MAGI2: variants seen among roughly 807,000 people sequenced by gnomAD.
The protein encoded by MAGI2 is membrane associated guanylate kinase, WW and PDZ domain containing 2, also known as membrane-associated guanylate kinase, WW and PDZ domain-containing protein 2.
A neutral mutation model predicts 133.3 loss-of-function variants in MAGI2; 35 were observed. The ratio of observed to expected loss-of-function variants is 0.26; its 90% CI spans 0.20 to 0.35. The LOEUF is 0.35. Among genes scored for constraint, MAGI2 ranks in the 10% least tolerant of loss-of-function variants. The pLI, the probability that MAGI2 is intolerant of heterozygous loss-of-function variation, is 1.00. For missense variants in MAGI2, 1,636 were observed against 1,863.4 expected, an observed-to-expected ratio of 0.88 and a Z score of 2.25; for synonymous variants, 729 against 710.6, an observed-to-expected ratio of 1.03 and a Z score of -0.41.
rs1174096501 is a variant in MAGI2 at position 79,028,235 on chromosome 7, GTATATATATATATATATA to G, written c.302-21047_302-21030del. The stretch of plus-strand genomic sequence containing the variant: ...CAAAAAAATATATATATATATGTAT[GTATATATATATATATATA>G]TATATATATATATATGTATGTATGT... On this transcript the variant is annotated intron_variant, in intron 1 of 21. Transcript: ENST00000354212. Among the ~76,000 whole-genome samples, 246 of 29,326 alleles carry G rather than the reference GTATATATATATATATATA, an allele frequency of 8.4e-3. 3 individuals are homozygous for G. The highest frequency in any genetic ancestry group is 0.06 in the Middle Eastern group (3 of 50). 19.2% of individuals were successfully genotyped at this position (29,326 alleles called of 152,430 possible).
intron 9 of MAGI2, among the ~76,000 whole-genome samples, chr7:78,264,515 C>T (rs1261775888): frequency 1.3e-5 from 2 of 152,122 alleles, no homozygotes; most frequent in Non-Finnish European, 2.9e-5. Context: ...TAATTGCAAA[C>T]AGGGGAATCG....
At chr7:79,311,005 T>C (rs1050812529) in intron 1 of MAGI2, among the ~76,000 whole-genome samples, 1 of 152,038 alleles carries the variant, frequency 6.6e-6, no homozygotes, top group Non-Finnish European at 1.5e-5. Context: ...TTGTCCTAGT[T>C]TTATTTATCT....
chr7:78,623,129 C>T (rs558321771), intron 3 of MAGI2, among the ~76,000 whole-genome samples: 314 of 152,098 alleles, frequency 2.1e-3, no homozygotes, highest in Middle Eastern at 6.8e-3. Flanking sequence ...TCTAGTGTAT[C>T]ATGAGAACAA....
At chr7:78,357,602 T>C (rs937796889) in intron 7 of MAGI2, among the ~76,000 whole-genome samples, 1 of 152,204 alleles carries the variant, frequency 6.6e-6, no homozygotes, top group Non-Finnish European at 1.5e-5. Context: ...CTGAGTGTTG[T>C]GCTTAGTGGA....
At chr7:79,259,584 G>A (rs545808524) in intron 1 of MAGI2, among the ~76,000 whole-genome samples, 2 of 152,242 alleles carry the variant, frequency 1.3e-5, no homozygotes, top group South Asian at 4.1e-4. Context: ...AAGTGGTAGT[G>A]TCCTTCTTAG....
At chr7:79,369,953 G>A (rs919987967) in intron 1 of MAGI2, among the ~76,000 whole-genome samples, 1 of 151,798 alleles carries the variant, frequency 6.6e-6, no homozygotes, top group Non-Finnish European at 1.5e-5. Context: ...ATACCTAAAG[G>A]TATTTTTATA....
intron 2 of MAGI2, among the ~76,000 whole-genome samples, chr7:78,685,466 GTTTTT>G (rs5885086): frequency 3.5e-5 from 5 of 141,584 alleles, no homozygotes; most frequent in East Asian, 4.0e-4. Flanking sequence ...TGTCATTGTC[GTTTTT>G]TTTTTTTTTA....
chr7:78,574,860 G>A (rs945740599), intron 3 of MAGI2, among the ~76,000 whole-genome samples: 2 of 152,204 alleles, frequency 1.3e-5, no homozygotes, highest in Admixed American at 6.5e-5. Flanking sequence ...TTTGTATGCA[G>A]TGAATAGTTA....
chr7:78,176,957 A>C (rs926089222), intron 14 of MAGI2, among the ~76,000 whole-genome samples: 2 of 151,256 alleles, frequency 1.3e-5, no homozygotes, highest in African/African-American at 4.9e-5. Flanking sequence ...ACACATATAT[A>C]GTATATTTCC....
intron 1 of MAGI2, among the ~76,000 whole-genome samples, chr7:79,392,601 A>C (rs1844741752): frequency 6.6e-6 from 1 of 152,162 alleles, no homozygotes; most frequent in South Asian, 2.1e-4. Context: ...GCATTTCTCT[A>C]ATGATCAGTG....
chr7:78,595,941 C>T lies in MAGI2; in HGVS notation c.538+31179G>A, dbSNP rs182347657. The stretch of plus-strand genomic sequence containing the variant: ...ACCAGAATGTCTTTGTAATTCAGCT[C>T]TCTTTTGGTAGATTTTGAATAGAGA... On this transcript the variant is annotated intron_variant, in intron 3 of 21. Coordinates refer to ENST00000354212, the MANE Select transcript of MAGI2 (RefSeq NM_012301.4). Among the ~76,000 whole-genome samples the T allele has an allele frequency of 1.0e-3, 157 of 152,180 alleles. 1 individual carries two copies. Among genetic ancestry groups the T allele is most frequent in the African/African-American group, 3.6e-3 (150 of 41,516 alleles).
intron 2 of MAGI2, among the ~76,000 whole-genome samples, chr7:78,632,210 A>G (rs1310940918): frequency 6.6e-6 from 1 of 152,224 alleles, no homozygotes; most frequent in African/African-American, 2.4e-5. Context: ...TGGAACTAAT[A>G]TTTTAATAGG....
intron 1 of MAGI2, among the ~76,000 whole-genome samples, chr7:79,401,606 A>C (rs4730806): frequency 0.39 from 59,669 of 152,028 alleles, 14,106 homozygotes; most frequent in African/African-American, 0.66. Flanking sequence ...CTTAGATACA[A>C]AGCACAAATA....
chr7:78,219,819 C>A (rs1788632087), intron 10 of MAGI2, among the ~76,000 whole-genome samples: 1 of 152,146 alleles, frequency 6.6e-6, no homozygotes, highest in South Asian at 2.1e-4. Flanking sequence ...TCGACTCTTG[C>A]TTCCTACTAT....
intron 10 of MAGI2, chr7:78,254,427 T>C (rs1351559086): frequency 6.6e-6 from 1 of 152,256 alleles, no homozygotes; most frequent in Non-Finnish European, 1.5e-5. Context: ...TAATTAGCAA[T>C]GTTTATTTTA....
At chr7:79,279,998 C>A (rs1835507010) in intron 1 of MAGI2, among the ~76,000 whole-genome samples, 1 of 152,118 alleles carries the variant, frequency 6.6e-6, no homozygotes, top group Admixed American at 6.6e-5. Flanking sequence ...ATAAAGGAAA[C>A]TAGGAGGAGG....
At chr7:78,779,875 G>T (rs12536979) in intron 2 of MAGI2, among the ~76,000 whole-genome samples, 4,685 of 152,248 alleles carry the variant, frequency 0.031, 110 homozygotes, top group Non-Finnish European at 0.042. Context: ...GAATTTTTGG[G>T]TCAGAAAGCT....
At chr7:78,505,511 A>G (rs964510045) in intron 4 of MAGI2, among the ~76,000 whole-genome samples, 2 of 152,204 alleles carry the variant, frequency 1.3e-5, no homozygotes, top group African/African-American at 4.8e-5. Flanking sequence ...GTAATTATAC[A>G]TACTGTGGTA....
intron 21 of MAGI2, among the ~76,000 whole-genome samples, chr7:78,065,383 C>T (rs1813711683): frequency 6.6e-6 from 1 of 152,146 alleles, no homozygotes; most frequent in East Asian, 1.9e-4. Flanking sequence ...GAATGCGGTG[C>T]ATCTCAAATT....
Sources: gnomAD v4.1 joint callset for allele counts (sites outside exome capture counted in the v4.1 genomes callset) on GRCh38, gnomAD v4.1.1 for gene constraint, MANE v1.5 for transcripts, NCBI Gene and HGNC (gene_info 2026-07-23, HGNC 2026-07-21) for gene names.